RAB3C: variants seen among roughly 807,000 people sequenced by gnomAD.
The protein encoded by RAB3C is RAB3C, member RAS oncogene family, also known as ras-related protein Rab-3C.
Under a neutral mutation model 26.4 loss-of-function variants are expected in RAB3C, and 17 were observed. That is an observed-to-expected ratio of 0.64 (90% CI 0.44 to 0.97). The LOEUF (loss-of-function observed/expected upper bound fraction) is 0.97, where lower values mean the gene tolerates loss of function less well. RAB3C is among the 50% of genes least tolerant of loss of function. The pLI, the probability that RAB3C is intolerant of heterozygous loss-of-function variation, is 0.00. For synonymous variants in RAB3C, 91 were observed against 95.9 expected (o/e 0.95, Z 0.30); for missense variants, 242 against 281.9 (o/e 0.86, Z 1.01).
rs1358463346 is a variant in RAB3C, at chr5:58,617,672, C to T, written c.54C>T (p.Gly18=). Residue 18 remains glycine (G), a synonymous_variant, in exon 2 of 5, where the codon GGC becomes GGT. Coordinates refer to ENST00000282878, the MANE Select transcript of RAB3C (RefSeq NM_138453.4). The stretch of plus-strand genomic sequence containing the variant: ...CCTCTGCCCAAGATGCCAGGTACGG[C>T]CAGAAAGACTCCTCTGATCAGAACT... ...QMASAQDARY[G]QKDSSDQNFD... 4.3e-6 allele frequency: 7 copies of T among 1,613,510 alleles called. No homozygotes were observed. In the African/African-American group the frequency reaches 9.3e-5, roughly 22 times the overall value.
chr5:58,758,935 G>C (rs1415812854), intron 3 of RAB3C, among the ~76,000 whole-genome samples: 2 of 151,746 alleles, frequency 1.3e-5, no homozygotes, highest in African/African-American at 4.8e-5. Context: ...CATGTCTGCT[G>C]TTGCCACCTG....
intron 2 of RAB3C, among the ~76,000 whole-genome samples, chr5:58,669,519 A>G (rs1471363500): frequency 6.6e-6 from 1 of 152,148 alleles, no homozygotes; most frequent in Non-Finnish European, 1.5e-5. Context: ...GTGATGGTGT[A>G]AATCCCAGTT....
chr5:58,702,522 G>A (rs139778625), intron 2 of RAB3C, among the ~76,000 whole-genome samples: 463 of 152,012 alleles, frequency 3.0e-3, no homozygotes, highest in African/African-American at 0.01. Flanking sequence ...CCAGCCTCCC[G>A]TATTGTCTCT....
chr5:58,730,010 C>A (rs1167560948), intron 3 of RAB3C, among the ~76,000 whole-genome samples: 1 of 150,212 alleles, frequency 6.7e-6, no homozygotes, highest in African/African-American at 2.4e-5. Flanking sequence ...GATTTCCCAG[C>A]AAAAAATACA....
intron 3 of RAB3C, among the ~76,000 whole-genome samples, chr5:58,775,678 T>A (rs1340565524): frequency 6.6e-6 from 1 of 152,144 alleles, no homozygotes; most frequent in Non-Finnish European, 1.5e-5. Flanking sequence ...TCTCCATTTG[T>A]AAAAATTGAT....
intron 3 of RAB3C, among the ~76,000 whole-genome samples, chr5:58,730,632 C>T (rs16888492): frequency 0.027 from 4,058 of 152,180 alleles, 188 homozygotes; most frequent in African/African-American, 0.092. Context: ...AGCTACTCTT[C>T]CCAACAAAAT....
At chr5:58,597,032 A>T (rs796908181) in intron 1 of RAB3C, among the ~76,000 whole-genome samples, 1 of 10,916 alleles carries the variant, frequency 9.2e-5, no homozygotes, top group Non-Finnish European at 1.4e-4. Context: ...TATAATACAT[A>T]ATATATATTA....
At chr5:58,597,011 A>C (rs1206395205) in intron 1 of RAB3C, among the ~76,000 whole-genome samples, 1 of 51,664 alleles carries the variant, frequency 1.9e-5, no homozygotes, top group Non-Finnish European at 3.1e-5. Flanking sequence ...TAATATATAA[A>C]TATATAATAA....
chr5:58,598,999 ATTC>A (rs911458166), intron 1 of RAB3C, among the ~76,000 whole-genome samples: 1 of 152,074 alleles, frequency 6.6e-6, no homozygotes, highest in Non-Finnish European at 1.5e-5. Flanking sequence ...TCATCTCGCT[ATTC>A]TTATTATAGA....
chr5:58,597,145 AC>A (rs1746324005), intron 1 of RAB3C, among the ~76,000 whole-genome samples: 1 of 29,870 alleles, frequency 3.3e-5, no homozygotes, highest in Non-Finnish European at 7.4e-5. Flanking sequence ...AATAATATAT[AC>A]TACATAATAT....
intron 3 of RAB3C, among the ~76,000 whole-genome samples, chr5:58,823,872 C>A (rs1743409384): frequency 8.7e-6 from 1 of 114,484 alleles, no homozygotes; most frequent in Admixed American, 1.0e-4. Flanking sequence ...GCTATCCCTC[C>A]CCCACCCCCC....
intron 3 of RAB3C, among the ~76,000 whole-genome samples, chr5:58,760,293 A>T (rs2111974988): frequency 6.6e-6 from 1 of 152,274 alleles, no homozygotes; most frequent in African/African-American, 2.4e-5. Flanking sequence ...AAAGTTTTGG[A>T]ATATGAGCTC....
intron 3 of RAB3C, among the ~76,000 whole-genome samples, chr5:58,764,228 T>G (rs1741852621): frequency 6.6e-6 from 1 of 152,206 alleles, no homozygotes; most frequent in Non-Finnish European, 1.5e-5. Flanking sequence ...GTCACCTTTG[T>G]GTAAATTTAA....
Position 58,704,746 on chromosome 5 carries a change from TTTTC to T in RAB3C, c.253-21244_253-21241del, listed in dbSNP as rs559321147. Among the ~76,000 whole-genome samples, 51 of 152,228 alleles carry T rather than the reference TTTTC, an allele frequency of 3.4e-4. 1 individual carries two copies. In the South Asian group the frequency reaches 8.1e-3, roughly 24 times the overall value. On this transcript the variant is annotated intron_variant, in intron 2 of 4. Coordinates refer to ENST00000282878, the MANE Select transcript of RAB3C (RefSeq NM_138453.4). ...TCAGAAGTTTAAAGGGGTGCTAGCT[TTTTC>T]TTTCTTTCTTTTTTAAAAAATTTCT...
intron 2 of RAB3C, among the ~76,000 whole-genome samples, chr5:58,687,308 A>T (rs1018754639): frequency 6.6e-6 from 1 of 152,138 alleles, no homozygotes; most frequent in Non-Finnish European, 1.5e-5. Context: ...TTCATTTTAA[A>T]CCAAGTTTTA....
Position 58,777,835 on chromosome 5 carries a change from A to G in RAB3C, c.372-47203A>G, listed in dbSNP as rs149073786. On this transcript the variant is annotated intron_variant, in intron 3 of 4. Coordinates refer to ENST00000282878, the MANE Select transcript of RAB3C (RefSeq NM_138453.4). The stretch of plus-strand genomic sequence containing the variant: ...GTTCAATTCCCACCTCTAAGTGAGA[A>G]CATGTGGTGTTTGGTTTTTTGTCCT... Among the ~76,000 whole-genome samples the G allele has an allele frequency of 2.8e-4, 42 of 151,644 alleles. No individual in the cohort carries two copies. In the East Asian group the frequency reaches 6.4e-3, roughly 23 times the overall value.
chr5:58,820,735 T>C (rs2112052388), intron 3 of RAB3C, among the ~76,000 whole-genome samples: 1 of 152,348 alleles, frequency 6.6e-6, no homozygotes, highest in South Asian at 2.1e-4. Flanking sequence ...GAGGTTACAT[T>C]GAAATATTTC....
chr5:58,710,585 C>T (rs1440803363), intron 2 of RAB3C, among the ~76,000 whole-genome samples: 5 of 145,404 alleles, frequency 3.4e-5, no homozygotes, highest in African/African-American at 1.3e-4. Flanking sequence ...GGCAAAAGAG[C>T]AAGACTCTGT....
At chr5:58,594,595 A>G (rs1746207897) in intron 1 of RAB3C, among the ~76,000 whole-genome samples, 1 of 152,264 alleles carries the variant, frequency 6.6e-6, no homozygotes, top group African/African-American at 2.4e-5. Context: ...TTTTTCACAG[A>G]TAATCCAGAT....
Sources: gnomAD v4.1 joint callset for allele counts (sites outside exome capture counted in the v4.1 genomes callset) on GRCh38, gnomAD v4.1.1 for gene constraint, MANE v1.5 for transcripts, NCBI Gene and HGNC (gene_info 2026-07-23, HGNC 2026-07-21) for gene names.